The following IGF2R variants were observed in gnomAD, a reference collection of about 807,000 sequenced individuals.
The protein encoded by IGF2R is cation-independent mannose-6-phosphate receptor.
In IGF2R, 91 loss-of-function variants were observed where a neutral mutation model predicts 270.6. The ratio of observed to expected loss-of-function variants is 0.34; its 90% CI spans 0.28 to 0.40. IGF2R has a LOEUF of 0.40. Ranked by LOEUF, IGF2R falls within the 10% of genes least tolerant of loss-of-function variation. The probability of loss-of-function intolerance (pLI) is 1.00; values close to 1 mark genes in which losing one functional copy is unlikely to be tolerated. For missense variants in IGF2R, 2,805 were observed against 3,188.3 expected (o/e 0.88, Z 2.90); for synonymous variants, 1,316 against 1,258.9 (o/e 1.05, Z -0.96).
chr6:160,032,534 C>T lies in IGF2R; in HGVS notation c.883-17C>T. The T allele has an allele frequency of 6.2e-7, 1 of 1,605,476 alleles. No homozygotes were observed. Among genetic ancestry groups the T allele is most frequent in the Non-Finnish European group, 8.5e-7 (1 of 1,174,732 alleles). ...GAAACATTTTTTATTTTGCTTCTTT[C>T]ACATTGTTCCTGATAGGGCACCATT... On this transcript the variant is annotated splice_polypyrimidine_tract_variant and intron_variant, in intron 7 of 47. Coordinates refer to ENST00000356956, the MANE Select transcript of IGF2R (RefSeq NM_000876.4).
intron 1 of IGF2R, among the ~76,000 whole-genome samples, chr6:159,987,187 G>T (rs552136880): frequency 9.2e-5 from 14 of 152,220 alleles, no homozygotes; most frequent in African/African-American, 3.4e-4. Flanking sequence ...AAAACTTGTT[G>T]TCAGTTATTT....
Position 160,027,272 on chromosome 6 carries a change from T to A in IGF2R, c.734T>A (p.Val245Asp). ...CLVRGHQAFDVGQPRDGLKLV... is the reference protein window; with the variant it reads ...CLVRGHQAFDDGQPRDGLKLV... ...GTAAGAGGACACCAGGCGTTTGATG[T>A]TGGCCAGCCCCGGGACGGACTGAAG... Residue 245 changes from valine (V) to aspartate (D), a missense_variant, in exon 6 of 48, where the codon GTT becomes GAT. Transcript: ENST00000356956. 1 of 1,614,096 alleles carries A rather than the reference T, an allele frequency of 6.2e-7. No homozygotes were observed. Among genetic ancestry groups the A allele is most frequent in the Non-Finnish European group, 8.5e-7 (1 of 1,180,010 alleles).
At chr6:159,975,684 T>TA (rs1783680847) in intron 1 of IGF2R, among the ~76,000 whole-genome samples, 129 of 141,728 alleles carry the variant, frequency 9.1e-4, no homozygotes, top group African/African-American at 3.3e-3. Flanking sequence ...TTATATATAT[T>TA]TATATATATA....
At chr6:159,997,119 G>A (rs959199350) in intron 2 of IGF2R, among the ~76,000 whole-genome samples, 2 of 152,190 alleles carry the variant, frequency 1.3e-5, no homozygotes, top group African/African-American at 2.4e-5. Flanking sequence ...CAGCACCCCT[G>A]TCTCCACTGC....
Position 160,107,154 on chromosome 6 carries a change from A to G in IGF2R, c.*2070A>G, listed in dbSNP as rs1349736232. On this transcript the variant is annotated 3_prime_UTR_variant, in exon 48 of 48. Coordinates refer to ENST00000356956, the MANE Select transcript of IGF2R (RefSeq NM_000876.4). ...TTCCAATACCTCTCCTGAGGAAGAC[A>G]TGTCAGGTCTTCTAAAAGTTTACAT... 6.6e-6 allele frequency: 1 copy of G among 152,222 alleles called. No homozygotes were observed. The highest frequency in any genetic ancestry group is 1.5e-5 in the Non-Finnish European group (1 of 68,044). 9.4% of individuals were successfully genotyped at this position (152,222 alleles called of 1,614,324 possible). A position where few individuals can be genotyped will look rare whatever the true frequency, so the allele number is the denominator to read the frequency against.
At position 160,104,838 on chromosome 6, in the gene IGF2R, G is replaced by C. The variant is rs754083608; in HGVS notation, c.7230G>C (p.Glu2410Asp). Residue 2410 changes from glutamate (E) to aspartate (D), a missense_variant, in exon 48 of 48, where the codon GAG becomes GAC. By Grantham distance (45) the Glu-to-Asp change is conservative. Transcript: ENST00000356956. ...TGCATGGGGATGACCAGGACAGTGA[G>C]GATGAGGTTCTGACCATCCCAGAGG... is the stretch of plus-strand genomic sequence containing the variant. ...SSLHGDDQDS[E>D]DEVLTIPEVK... 6.2e-7 allele frequency: 1 copy of C among 1,614,224 alleles called. No individual in the cohort carries two copies. Among genetic ancestry groups the C allele is most frequent in the African/African-American group, 1.3e-5 (1 of 75,062 alleles).
At chr6:160,036,998 A>G (rs1777841969) in intron 10 of IGF2R, among the ~76,000 whole-genome samples, 3 of 152,168 alleles carry the variant, frequency 2.0e-5, no homozygotes, top group Admixed American at 2.0e-4. Flanking sequence ...TCAAACATGG[A>G]ACATTAAAAC....
At chr6:160,065,836 A>ATATATG (rs1554246377) in intron 29 of IGF2R, among the ~76,000 whole-genome samples, 3 of 117,030 alleles carry the variant, frequency 2.6e-5, no homozygotes, top group Admixed American at 8.4e-5. Context: ...ATATATATAT[A>ATATATG]TATATATATG....
intron 18 of IGF2R, 103 bp downstream of exon 18, chr6:160,048,646 G>A (rs1464978194): frequency 1.7e-6 from 2 of 1,197,714 alleles, no homozygotes; most frequent in Non-Finnish European, 2.3e-6. Flanking sequence ...CAGCACAGCT[G>A]CTCGAGAGAA....
chr6:160,008,944 C>T, intron 2 of IGF2R, 66 bp from the exon 3 acceptor site: 1 of 1,510,544 alleles, frequency 6.6e-7, no homozygotes, highest in Admixed American at 1.8e-5. Flanking sequence ...ATTTGCTTTT[C>T]CTTGGAAATA....
intron 4 of IGF2R, among the ~76,000 whole-genome samples, chr6:160,014,599 A>G (rs1777243119): frequency 6.6e-6 from 1 of 152,044 alleles, no homozygotes; most frequent in South Asian, 2.1e-4. Flanking sequence ...GAGTTCTTTC[A>G]TTTTCCCTTC....
chr6:160,055,663 C>T (rs943281763), intron 19 of IGF2R, among the ~76,000 whole-genome samples: 18 of 152,120 alleles, frequency 1.2e-4, no homozygotes, highest in Non-Finnish European at 2.1e-4. Context: ...TTCCTGAACC[C>T]GTGACCCTGG....
At chr6:160,011,730 C>T (rs920355331) in intron 4 of IGF2R, among the ~76,000 whole-genome samples, 1 of 152,090 alleles carries the variant, frequency 6.6e-6, no homozygotes, top group Non-Finnish European at 1.5e-5. Context: ...TGTTGCACTG[C>T]TACTTGATTC....
intron 4 of IGF2R, among the ~76,000 whole-genome samples, chr6:160,011,990 G>T (rs60905117): frequency 2.0e-5 from 3 of 152,036 alleles, no homozygotes; most frequent in Non-Finnish European, 2.9e-5. Flanking sequence ...AAGACAAAAA[G>T]AAATGTTTAT....
At chr6:160,047,015 C>T (rs1778083130) in intron 15 of IGF2R, 144 bp from the exon 16 acceptor site, 6 of 717,718 alleles carry the variant, frequency 8.4e-6, no homozygotes, top group Non-Finnish European at 1.4e-5. Flanking sequence ...CCGTTGGAGA[C>T]CTTGTGTGGG....
intron 4 of IGF2R, among the ~76,000 whole-genome samples, chr6:160,012,745 T>TATATATATATATATATA (rs1784353604): frequency 9.5e-6 from 1 of 105,310 alleles, no homozygotes; most frequent in African/African-American, 3.4e-5. Flanking sequence ...CCCGGCTAAT[T>TATATATATATATATATA]TATATATATA....
chr6:160,047,030 T>A, intron 15 of IGF2R, 129 bp from the exon 16 acceptor site: 1 of 796,768 alleles, frequency 1.3e-6, no homozygotes, highest in Non-Finnish European at 2.1e-6. Flanking sequence ...TGTGGGTTCC[T>A]GTGGTCTGCA....
rs893641292 is a variant in IGF2R, at chr6:159,998,533, C to T, written c.289+7210C>T. On this transcript the variant is annotated intron_variant, in intron 2 of 47. Coordinates refer to ENST00000356956, the MANE Select transcript of IGF2R (RefSeq NM_000876.4). This position sits in a 1 kb window ranked among gnomAD's most constrained non-coding sequence, Gnocchi z 4.1. ...GAAGCTGGCCCCGTGGAATAGGAAA[C>T]GATGCCTACAGGGGAGATACCAAAG... Among the ~76,000 whole-genome samples the T allele has an allele frequency of 3.3e-5, 5 of 152,116 alleles. No homozygotes were observed. Among genetic ancestry groups the T allele is most frequent in the African/African-American group, 7.2e-5 (3 of 41,420 alleles).
chr6:160,100,308 A>C (rs1400576923), intron 45 of IGF2R, among the ~76,000 whole-genome samples: 1 of 152,172 alleles, frequency 6.6e-6, no homozygotes, highest in Admixed American at 6.5e-5. Flanking sequence ...GATATACCAG[A>C]AAATAATCTG....
Sources: gnomAD v4.1 joint callset for allele counts (sites outside exome capture counted in the v4.1 genomes callset) on GRCh38, gnomAD v4.1.1 for gene constraint, Gnocchi (gnomAD v3.1) non-coding constraint, MANE v1.5 for transcripts, NCBI Gene and HGNC (gene_info 2026-07-23, HGNC 2026-07-21) for gene names.